The following CDH12 variants were observed in gnomAD, a reference collection of about 807,000 sequenced individuals.
The protein encoded by CDH12 is cadherin-12.
Under a neutral mutation model 74.1 loss-of-function variants are expected in CDH12, and 41 were observed. The observed-to-expected ratio is 0.55, with a 90% CI of 0.43 to 0.72. The LOEUF (loss-of-function observed/expected upper bound fraction) is 0.72, where lower values mean the gene tolerates loss of function less well. Among genes scored for constraint, CDH12 ranks in the 30% least tolerant of loss-of-function variants. The pLI is 0.00. For synonymous variants in CDH12, 399 were observed against 355.0 expected (o/e 1.12, Z -1.39); for missense variants, 945 against 977.2 (o/e 0.97, Z 0.44).
intron 4 of CDH12, among the ~76,000 whole-genome samples, chr5:22,117,453 A>AT (rs1434368773): frequency 1.2e-5 from 1 of 80,848 alleles, no homozygotes; most frequent in African/African-American, 5.2e-5. Flanking sequence ...TATATAATAT[A>AT]TATATTATAT....
chr5:22,467,153 A>G (rs1314023114), intron 2 of CDH12, among the ~76,000 whole-genome samples: 1 of 152,136 alleles, frequency 6.6e-6, no homozygotes, highest in Non-Finnish European at 1.5e-5. Flanking sequence ...TGATCCCCAC[A>G]GATCCAGGCT....
intron 7 of CDH12, among the ~76,000 whole-genome samples, chr5:21,848,890 C>G (rs941100907): frequency 6.6e-6 from 1 of 151,894 alleles, no homozygotes; most frequent in South Asian, 2.1e-4. Flanking sequence ...GCTCCCCCTA[C>G]TAGATAGGGA....
At chr5:22,369,044 G>A (rs1031775863) in intron 3 of CDH12, among the ~76,000 whole-genome samples, 12 of 152,038 alleles carry the variant, frequency 7.9e-5, no homozygotes, top group Admixed American at 2.0e-4. Context: ...CAGGAGAATC[G>A]CTTGAACCCG....
intron 1 of CDH12, among the ~76,000 whole-genome samples, chr5:22,624,310 T>C (rs532899364): frequency 1.3e-5 from 2 of 151,966 alleles, no homozygotes; most frequent in Non-Finnish European, 2.9e-5. Context: ...AATTGACAAA[T>C]GGGATCTAAT....
chr5:22,466,776 CTTTTTTTTTT>C (rs70959733), intron 2 of CDH12, among the ~76,000 whole-genome samples: 2 of 50,994 alleles, frequency 3.9e-5, no homozygotes, highest in South Asian at 1.1e-3. Context: ...CCTCAGGAAT[CTTTTTTTTTT>C]TTTTTTTTTT....
chr5:21,905,998 G>A (rs1038180612), intron 6 of CDH12, among the ~76,000 whole-genome samples: 19 of 151,956 alleles, frequency 1.3e-4, no homozygotes, highest in African/African-American at 3.9e-4. Context: ...AAAGAAGGAA[G>A]AATATAAAGG....
intron 1 of CDH12, among the ~76,000 whole-genome samples, chr5:22,713,423 G>A (rs1743397244): frequency 6.6e-6 from 1 of 151,884 alleles, no homozygotes; most frequent in African/African-American, 2.4e-5. Flanking sequence ...TTACAGGCAT[G>A]AGCCACCGCA....
At chr5:22,525,482 G>C (rs115791124) in intron 1 of CDH12, among the ~76,000 whole-genome samples, 125 of 144,762 alleles carry the variant, frequency 8.6e-4, no homozygotes, top group African/African-American at 2.8e-3. Context: ...GAGCAAGAGA[G>C]AGAGAAAGAG....
intron 1 of CDH12, among the ~76,000 whole-genome samples, chr5:22,682,593 T>C (rs879523078): frequency 6.6e-6 from 1 of 152,034 alleles, no homozygotes; most frequent in Admixed American, 6.6e-5. Context: ...TTTGAAACCA[T>C]TTACAAGCTT....
At chr5:22,255,527 A>G (rs1753281278) in intron 3 of CDH12, among the ~76,000 whole-genome samples, 1 of 151,754 alleles carries the variant, frequency 6.6e-6, no homozygotes, top group Admixed American at 6.6e-5. Context: ...TATTCAACAT[A>G]AAATAAAAGT....
chr5:22,698,565 G>A (rs1329010981), intron 1 of CDH12, among the ~76,000 whole-genome samples: 1 of 150,692 alleles, frequency 6.6e-6, no homozygotes, highest in Non-Finnish European at 1.5e-5. Context: ...ATGAATGACT[G>A]ACAGGATGAA....
At chr5:22,183,294 G>T (rs1277378185) in intron 4 of CDH12, among the ~76,000 whole-genome samples, 13 of 152,074 alleles carry the variant, frequency 8.5e-5, no homozygotes, top group Admixed American at 7.9e-4. Context: ...ATAATATTTG[G>T]TGATCAGAAT....
chr5:21,769,476 G>A lies in CDH12; in HGVS notation c.1394-4377C>T, dbSNP rs1404053698. On this transcript the variant is annotated intron_variant, in intron 11 of 14. Transcript: ENST00000382254. ...TAATATACTAGCAACGTCTAAATTT[G>A]TTAGTATATTAATTACCCTTCTATA... 2.0e-5 allele frequency among the ~76,000 whole-genome samples: 3 copies of A among 152,188 alleles called. No individual in the cohort carries two copies. In the East Asian group the frequency reaches 5.8e-4, roughly 29 times the overall value.
At chr5:22,361,465 G>A (rs530014412) in intron 3 of CDH12, among the ~76,000 whole-genome samples, 2 of 152,236 alleles carry the variant, frequency 1.3e-5, no homozygotes, top group South Asian at 2.1e-4. Flanking sequence ...CCATGCTCAT[G>A]GATAGGAAGA....
chr5:21,839,066 C>T (rs1749696699), intron 8 of CDH12, among the ~76,000 whole-genome samples: 1 of 152,138 alleles, frequency 6.6e-6, no homozygotes, highest in Admixed American at 6.5e-5. Flanking sequence ...TTCACAATGC[C>T]ACTTTTTATG....
At chr5:22,339,709 C>G (rs945414413) in intron 3 of CDH12, among the ~76,000 whole-genome samples, 3 of 152,072 alleles carry the variant, frequency 2.0e-5, no homozygotes, top group Admixed American at 6.6e-5. Context: ...TCAAAATATA[C>G]TCCACTGATT....
chr5:21,776,623 T>C (rs907277783), intron 11 of CDH12, among the ~76,000 whole-genome samples: 2 of 152,216 alleles, frequency 1.3e-5, no homozygotes, highest in Admixed American at 6.5e-5. Flanking sequence ...CTTCTATTTA[T>C]GTGCCATCCT....
chr5:21,863,440 G>A (rs1266309368), intron 6 of CDH12, among the ~76,000 whole-genome samples: 3 of 152,014 alleles, frequency 2.0e-5, no homozygotes, highest in Admixed American at 2.0e-4. Flanking sequence ...TCTTACTATA[G>A]TAAAACAATT....
chr5:22,431,200 A>ATCAAATATATTAAGCCAC (rs1744157527), intron 2 of CDH12, among the ~76,000 whole-genome samples: 1 of 152,180 alleles, frequency 6.6e-6, no homozygotes, highest in South Asian at 2.1e-4. Flanking sequence ...GCACACAGCA[A>ATCAAATATATTAAGCCAC]TCAAATATAT....
Sources: gnomAD v4.1 joint callset for allele counts (sites outside exome capture counted in the v4.1 genomes callset) on GRCh38, gnomAD v4.1.1 for gene constraint, MANE v1.5 for transcripts, NCBI Gene and HGNC (gene_info 2026-07-23, HGNC 2026-07-21) for gene names.